The following ROGDI variants were observed in gnomAD, a reference collection of about 807,000 sequenced individuals.
The protein encoded by ROGDI is protein rogdi homolog.
ROGDI carries 46 observed loss-of-function variants against 43.1 expected under a neutral mutation model. That is an observed-to-expected ratio of 1.07 (90% CI 0.84 to 1.37). ROGDI has a LOEUF of 1.37. ROGDI is among the 40% of genes most tolerant of loss of function. The pLI is 0.00. For synonymous variants in ROGDI, 243 were observed against 162.0 expected (o/e 1.50, Z -3.80); for missense variants, 518 against 383.9 (o/e 1.35, Z -2.92).
At position 4,797,919 on chromosome 16, in the gene ROGDI, C is replaced by T. The variant is rs1398422551; in HGVS notation, c.695+19G>A. ...GGATGGGGTGGGCGTGCCTGGACCCCCCGCCCCTGCCTACTTACAACATGG... is the reference window on the plus strand; with the variant it reads ...GGATGGGGTGGGCGTGCCTGGACCCTCCGCCCCTGCCTACTTACAACATGG... On this transcript the variant is annotated intron_variant, in intron 9 of 10. Coordinates refer to ENST00000322048, the MANE Select transcript of ROGDI (RefSeq NM_024589.3). 2.5e-6 allele frequency: 4 copies of T among 1,598,518 alleles called. No homozygotes were observed. The Admixed American group carries it at 6.7e-5, about 27-fold the overall frequency.
intron 2 of ROGDI, 23 bp from the exon 3 acceptor site, chr16:4,801,608 G>C: frequency 6.4e-7 from 1 of 1,571,774 alleles, no homozygotes; most frequent in Non-Finnish European, 8.6e-7. Context: ...GGGAAGGAGG[G>C]GAGCTGGTAG....
chr16:4,799,850 G>A, intron 5 of ROGDI, 69 bp from the exon 6 acceptor site: 1 of 1,095,860 alleles, frequency 9.1e-7, no homozygotes, highest in East Asian at 2.6e-5. Context: ...AGTGGGTGCT[G>A]CCTGCCTGCC....
rs375211089 is a variant in ROGDI at position 4,797,110 on chromosome 16, C to T, written c.*350G>A. 18 of 286,658 alleles carry T rather than the reference C, an allele frequency of 6.3e-5. No individual in the cohort carries two copies. Among genetic ancestry groups the T allele is most frequent in the East Asian group, 2.3e-4 (3 of 13,028 alleles). The allele number at this position is 286,658 out of a possible 1,614,324, so 17.8% of individuals were successfully genotyped here. A position where few individuals can be genotyped will look rare whatever the true frequency, so the allele number is the denominator to read the frequency against. On this transcript the variant is annotated 3_prime_UTR_variant, in exon 11 of 11. Transcript: ENST00000322048. ...GGACTCATAGCTCAGTGCCACCCCC[C>T]GACACCATGCCCTCCAGGGGGAGGG...
chr16:4,799,217 AC>A (rs1297414406), intron 6 of ROGDI, among the ~76,000 whole-genome samples: 1 of 152,092 alleles, frequency 6.6e-6, no homozygotes, highest in Non-Finnish European at 1.5e-5. Context: ...CCCAGGAAAC[AC>A]GTAAGAGCTG....
chr16:4,802,376 C>T lies in ROGDI; in HGVS notation c.117+6G>A, dbSNP rs1409786707. The stretch of plus-strand genomic sequence containing the variant: ...ACGCCCGGCGGGGCAGGGCGCGGGT[C>T]GTTACCTTGAGGATGTCCTGCAGCT... On this transcript the variant is annotated splice_donor_region_variant and intron_variant, in intron 2 of 10. Transcript: ENST00000322048. 76 of 1,567,966 alleles carry T rather than the reference C, an allele frequency of 4.8e-5. No homozygotes were observed. Among genetic ancestry groups the T allele is most frequent in the Non-Finnish European group, 6.0e-5 (70 of 1,161,062 alleles).
rs1389050989 is a variant in ROGDI at position 4,800,485 on chromosome 16, G to A, written c.336+13C>T. 12 of 1,551,656 alleles carry A rather than the reference G, an allele frequency of 7.7e-6. No homozygotes were observed. The highest frequency in any genetic ancestry group is 1.4e-5 in the African/African-American group (1 of 73,184). ...CCTTGTGGCTGAGCACTAGCCAGGAGGGGCGGGGTCACCTGCTGCAGCTTC... is the reference window on the plus strand; with the variant it reads ...CCTTGTGGCTGAGCACTAGCCAGGAAGGGCGGGGTCACCTGCTGCAGCTTC... On this transcript the variant is annotated intron_variant, in intron 5 of 10. Transcript: ENST00000322048.
intron 4 of ROGDI, chr16:4,801,049 C>T (rs2082709340): frequency 1.9e-6 from 1 of 521,340 alleles, no homozygotes; most frequent in South Asian, 3.0e-5. Context: ...CCAGGCCAGG[C>T]CGTGTGCAAA....
intron 6 of ROGDI, among the ~76,000 whole-genome samples, chr16:4,799,360 G>C (rs114810693): frequency 6.6e-6 from 1 of 152,130 alleles, no homozygotes; most frequent in Non-Finnish European, 1.5e-5. Context: ...CACACAGCAA[G>C]TCAGGGGCAG....
intron 2 of ROGDI, 178 bp downstream of exon 2, chr16:4,802,204 G>A (rs1442330528): frequency 1.8e-5 from 12 of 668,878 alleles, no homozygotes; most frequent in Non-Finnish European, 3.2e-5. Flanking sequence ...GCCCCTGCCC[G>A]CACACAGGTA....
chr16:4,798,283 G>T, intron 7 of ROGDI, 99 bp from the exon 8 acceptor site: 4 of 993,256 alleles, frequency 4.0e-6, no homozygotes, highest in African/African-American at 1.6e-5. Context: ...GGGGATCCCA[G>T]TCCCCACCCC....
intron 4 of ROGDI, chr16:4,800,801 A>C: frequency 1.7e-6 from 1 of 579,560 alleles, no homozygotes; most frequent in Non-Finnish European, 3.1e-6. Flanking sequence ...AGTGAAATGG[A>C]AAGAGGTGAA....
Position 4,802,351 on chromosome 16 carries a change from ACGCCCGGCGGGGC to A in ROGDI, c.117+18_117+30del. 2 of 1,532,638 alleles carry A rather than the reference ACGCCCGGCGGGGC, an allele frequency of 1.3e-6. No individual in the cohort carries two copies. Among genetic ancestry groups the A allele is most frequent in the South Asian group, 2.4e-5 (2 of 82,232 alleles). The allele number at this position is 1,532,638 out of a possible 1,614,324, so 94.9% of individuals were successfully genotyped here. A position where few individuals can be genotyped will look rare whatever the true frequency, so the allele number is the denominator to read the frequency against. ...AGGGAAATGAGGAGGGAGGGCCGCC[ACGCCCGGCGGGGC>A]AGGGCGCGGGTCGTTACCTTGAGGA... On this transcript the variant is annotated intron_variant, in intron 2 of 10. Coordinates refer to ENST00000322048, the MANE Select transcript of ROGDI (RefSeq NM_024589.3).
chr16:4,798,127 T>C lies in ROGDI; in HGVS notation c.589A>G (p.Asn197Asp), dbSNP rs759182535. Residue 197 changes from asparagine to aspartate, a missense_variant, in exon 8 of 11, where the codon AAC (asparagine) becomes GAC (aspartate). Transcript: ENST00000322048. ...DLLVNVYINL[N>D]KLCLTVYQLH... ...TGGTACACCGTGAGGCAGAGCTTGT[T>C]GAGGTTGATGTAGACGTTGACCAGC... The C allele has an allele frequency of 1.2e-6, 2 of 1,613,920 alleles. No individual in the cohort carries two copies. Among genetic ancestry groups the C allele is most frequent in the Admixed American group, 3.3e-5 (2 of 60,008 alleles).
In ROGDI at chr16:4,800,541, A is replaced by G. The variant is rs778875889; in HGVS notation, c.293T>C (p.Leu98Pro). 1.3e-6 allele frequency: 2 copies of G among 1,566,726 alleles called. No individual in the cohort carries two copies. Among genetic ancestry groups the G allele is most frequent in the East Asian group, 2.4e-5 (1 of 42,466 alleles). Residue 98 changes from leucine (L) to proline (P), a missense_variant, in exon 5 of 11, where the codon CTG (leucine) becomes CCG (proline). Leu to Pro is a moderately conservative substitution (Grantham distance 98). Coordinates refer to ENST00000322048, the MANE Select transcript of ROGDI (RefSeq NM_024589.3). Reference sequence around the variant, plus strand: ...CTTGTCCTCCCGGAAGGCGAAGTGCAGCAGCTGGTTGTTCCGGGGCATCTT... The same window carrying G: ...CTTGTCCTCCCGGAAGGCGAAGTGCGGCAGCTGGTTGTTCCGGGGCATCTT... ...NLKMPRNNQL[L>P]HFAFREDKQW...
In ROGDI at chr16:4,801,641, T is replaced by G. The variant is rs555092297; in HGVS notation, c.118-56A>C. 61 of 1,483,150 alleles carry G rather than the reference T, an allele frequency of 4.1e-5. No individual in the cohort carries two copies. In the African/African-American group the frequency reaches 7.5e-4, roughly 18 times the overall value. The allele number at this position is 1,483,150 out of a possible 1,614,324, so 91.9% of individuals were successfully genotyped here. A position where few individuals can be genotyped will look rare whatever the true frequency, so the allele number is the denominator to read the frequency against. On this transcript the variant is annotated intron_variant, in intron 2 of 10. Transcript: ENST00000322048. ...TAGCGCCCACTCAGGCCCGGCCCAG[T>G]GCTCCTTCCAGAAGCCCCCCTCCCT...
chr16:4,799,867 C>T, intron 5 of ROGDI, 86 bp from the exon 6 acceptor site: 6 of 910,396 alleles, frequency 6.6e-6, no homozygotes. Flanking sequence ...TGCCCCACGT[C>T]ATTCCACTCT....
intron 6 of ROGDI, among the ~76,000 whole-genome samples, chr16:4,799,069 G>A (rs962274109): frequency 3.9e-5 from 6 of 152,148 alleles, no homozygotes; most frequent in Admixed American, 2.0e-4. Flanking sequence ...GGGTAAGCCA[G>A]GGTCACGGCT....
At chr16:4,798,247 C>A in intron 7 of ROGDI, 63 bp from the exon 8 acceptor site, 1 of 1,361,616 alleles carries the variant, frequency 7.3e-7, no homozygotes, top group East Asian at 2.4e-5. Context: ...TGGAGCGGGG[C>A]TCTGCAGTCA....
intron 5 of ROGDI, 61 bp downstream of exon 5, chr16:4,800,437 G>T (rs754421468): frequency 1.4e-6 from 2 of 1,387,052 alleles, no homozygotes; most frequent in South Asian, 1.3e-5. Flanking sequence ...GGGAGGCCCC[G>T]CGGCAGGCCT....
Sources: allele counts gnomAD v4.1 joint callset (sites outside exome capture counted in the v4.1 genomes callset), GRCh38; gene constraint gnomAD v4.1.1; transcripts MANE v1.5; gene names NCBI Gene and HGNC (gene_info 2026-07-23, HGNC 2026-07-21).